Variants in CDH7 observed in about 807,000 individuals in gnomAD.
CDH7 encodes the protein cadherin-7.
CDH7 carries 25 observed loss-of-function variants against 71.8 expected under a neutral mutation model. The observed-to-expected ratio is 0.35, with a 90% confidence interval of 0.25 to 0.49. CDH7 has a LOEUF of 0.49. CDH7 is among the 20% of genes least tolerant of loss of function. CDH7 has a pLI of 0.99. For missense variants in CDH7, 862 were observed against 974.6 expected (o/e 0.88, Z 1.54); for synonymous variants, 381 against 363.8 (o/e 1.05, Z -0.54).
intron 2 of CDH7, among the ~76,000 whole-genome samples, chr18:65,794,791 C>T (rs943546969): frequency 6.6e-6 from 1 of 151,858 alleles, no homozygotes; most frequent in Admixed American, 6.6e-5. Flanking sequence ...GTTGGGGAGA[C>T]CTGCAGTCAA....
chr18:65,854,920 C>CGTATATAT (rs61208244), intron 7 of CDH7, among the ~76,000 whole-genome samples: 5,584 of 145,492 alleles, frequency 0.038, 246 homozygotes, highest in African/African-American at 0.11. Flanking sequence ...TATGTGTACA[C>CGTATATAT]ATATATATAT....
intron 1 of CDH7, among the ~76,000 whole-genome samples, chr18:65,752,190 C>A (rs553017250): frequency 6.6e-6 from 1 of 152,288 alleles, no homozygotes; most frequent in Admixed American, 6.5e-5. Flanking sequence ...GTGTTCAGAT[C>A]ATTTTTCATA....
intron 2 of CDH7, among the ~76,000 whole-genome samples, chr18:65,769,782 A>G (rs770042008): frequency 6.6e-6 from 1 of 152,050 alleles, no homozygotes; most frequent in Non-Finnish European, 1.5e-5. Context: ...TTCTTAATGC[A>G]TATGTTTCAG....
At chr18:65,796,005 A>G (rs1385739059) in intron 2 of CDH7, among the ~76,000 whole-genome samples, 1 of 152,162 alleles carries the variant, frequency 6.6e-6, no homozygotes, top group Non-Finnish European at 1.5e-5. Flanking sequence ...CTACCCAGCC[A>G]TGCAGAACTG....
At chr18:65,809,619 G>T in intron 2 of CDH7, 85 bp from the exon 3 acceptor site, 8 of 1,146,470 alleles carry the variant, frequency 7.0e-6, no homozygotes, top group Non-Finnish European at 1.0e-5. Context: ...ATGTACTCCT[G>T]CCTGACATAA....
At chr18:65,808,540 A>G in intron 2 of CDH7, among the ~76,000 whole-genome samples, 1 of 152,238 alleles carries the variant, frequency 6.6e-6, no homozygotes, top group East Asian at 1.9e-4. Context: ...CAGGTATTCA[A>G]GTACTTGGAA....
At chr18:65,825,526 A>G (rs1372518438) in intron 6 of CDH7, among the ~76,000 whole-genome samples, 1 of 151,880 alleles carries the variant, frequency 6.6e-6, no homozygotes. Context: ...ATATTTAATC[A>G]AAAATAATAA....
intron 11 of CDH7, among the ~76,000 whole-genome samples, chr18:65,878,981 A>G (rs1914145265): frequency 6.6e-6 from 1 of 152,200 alleles, no homozygotes; most frequent in South Asian, 2.1e-4. Context: ...CAGATCACCA[A>G]TACAGTTTTT....
At position 65,871,448 on chromosome 18, in the gene CDH7, C is replaced by T. The variant is rs114112312; in HGVS notation, c.1864+8531C>T. On this transcript the variant is annotated intron_variant, in intron 11 of 11. Transcript: ENST00000397968. Reference sequence around the variant, plus strand: ...AGGAAATGGAATAACAGGTATGCAACGCAGATGAGGTCCTTAAATAGGCAG... The same window carrying T: ...AGGAAATGGAATAACAGGTATGCAATGCAGATGAGGTCCTTAAATAGGCAG... Among the ~76,000 whole-genome samples the T allele has an allele frequency of 2.7e-3, 417 of 152,224 alleles. 3 individuals carry two copies. Among genetic ancestry groups the T allele is most frequent in the African/African-American group, 9.1e-3 (378 of 41,552 alleles).
At position 65,781,771 on chromosome 18, in the gene CDH7, C is replaced by CTTTCTTTCTTTCTTTCTATCTTTCTTTCT. The variant is rs1568181257; in HGVS notation, c.210+18721_210+18722insTCTTTCTTTCTTTCTATCTTTCTTTCTTT. Among the ~76,000 whole-genome samples, 3 of 39,100 alleles carry CTTTCTTTCTTTCTTTCTATCTTTCTTTCT rather than the reference C, an allele frequency of 7.7e-5. 1 individual carries two copies. Among genetic ancestry groups the CTTTCTTTCTTTCTTTCTATCTTTCTTTCT allele is most frequent in the African/African-American group, 1.9e-4 (2 of 10,284 alleles). The allele number at this position is 39,100 out of a possible 152,430, so 25.7% of individuals were successfully genotyped here. A position where few individuals can be genotyped will look rare whatever the true frequency, so the allele number is the denominator to read the frequency against. ...GTTGATTTCTTTCTTTCTTTCTTTC[C>CTTTCTTTCTTTCTTTCTATCTTTCTTTCT]TTCCTTCCTTCCTTCCTTCCTTCCT... On this transcript the variant is annotated intron_variant, in intron 2 of 11. Transcript: ENST00000397968.
intron 4 of CDH7, among the ~76,000 whole-genome samples, chr18:65,820,664 A>C (rs1911890185): frequency 6.6e-6 from 1 of 152,140 alleles, no homozygotes; most frequent in Admixed American, 6.5e-5. Context: ...TTGATTTGCA[A>C]ACTTTGTGAT....
intron 5 of CDH7, among the ~76,000 whole-genome samples, chr18:65,822,961 G>A (rs971208639): frequency 2.0e-5 from 3 of 151,688 alleles, no homozygotes; most frequent in Non-Finnish European, 4.4e-5. Flanking sequence ...TTCCCTAAGT[G>A]TATGTGTTAT....
At position 65,853,377 on chromosome 18, in the gene CDH7, T is replaced by C. The variant is rs1351720274; in HGVS notation, c.1236-4439T>C. Among the ~76,000 whole-genome samples, 4 of 124,548 alleles carry C rather than the reference T, an allele frequency of 3.2e-5. 1 individual carries two copies. The highest frequency in any genetic ancestry group is 1.8e-5 in the Non-Finnish European group (1 of 56,900). The allele number at this position is 124,548 out of a possible 152,430, so 81.7% of individuals were successfully genotyped here. A position where few individuals can be genotyped will look rare whatever the true frequency, so the allele number is the denominator to read the frequency against. On this transcript the variant is annotated intron_variant, in intron 7 of 11. Coordinates refer to ENST00000397968, the MANE Select transcript of CDH7 (RefSeq NM_004361.5). Reference sequence around the variant, plus strand: ...TCCTTTCAGACTTCTTTTAGGGCCTTTCTTCTCTTGGCTCAATCAGCCATC... The same window carrying C: ...TCCTTTCAGACTTCTTTTAGGGCCTCTCTTCTCTTGGCTCAATCAGCCATC...
In CDH7 at chr18:65,862,760, T is replaced by A. The variant is rs200064195; in HGVS notation, c.1707T>A (p.Ser569=). The A allele has an allele frequency of 6.2e-7, 1 of 1,614,108 alleles. No individual in the cohort carries two copies. Among genetic ancestry groups the A allele is most frequent in the Admixed American group, 1.7e-5 (1 of 60,024 alleles). The change falls in exon 11 of 12, where the codon TCT becomes TCA. Residue 569 remains serine (S), a synonymous_variant. Coordinates refer to ENST00000397968, the MANE Select transcript of CDH7 (RefSeq NM_004361.5). ...YLPIFIVDSG[S]PSLSSTNTLT... is the part of the protein sequence containing the mutation. ...CAATTTTCATTGTGGACAGTGGATC[T>A]CCCTCACTTAGCAGCACCAACACCC...
At chr18:65,834,656 C>T (rs1035259535) in intron 6 of CDH7, among the ~76,000 whole-genome samples, 4 of 152,030 alleles carry the variant, frequency 2.6e-5, no homozygotes, top group African/African-American at 7.2e-5. Context: ...ATTGATGGAT[C>T]CTGACATCTA....
chr18:65,782,341 A>G (rs561122504), intron 2 of CDH7, among the ~76,000 whole-genome samples: 50 of 151,536 alleles, frequency 3.3e-4, no homozygotes, highest in African/African-American at 1.1e-3. Flanking sequence ...AAATTTTTGT[A>G]TTTTTAGTAG....
At chr18:65,816,746 T>A (rs1911738174) in intron 4 of CDH7, among the ~76,000 whole-genome samples, 1 of 152,114 alleles carries the variant, frequency 6.6e-6, no homozygotes, top group African/African-American at 2.4e-5. Context: ...TGTGAGTAGT[T>A]GCAAAACCCA....
intron 7 of CDH7, among the ~76,000 whole-genome samples, chr18:65,853,920 T>TATATATATATAC (rs1913241383): frequency 1.4e-5 from 1 of 70,598 alleles, no homozygotes; most frequent in African/African-American, 7.6e-5. Flanking sequence ...TATATATATA[T>TATATATATATAC]ATATATATAT....
rs1599050104 is a variant in CDH7 at position 65,850,399 on chromosome 18, T to A, written c.1235+6334T>A. On this transcript the variant is annotated intron_variant, in intron 7 of 11. Coordinates refer to ENST00000397968, the MANE Select transcript of CDH7 (RefSeq NM_004361.5). ...AAAGAAGTTTATTGAAATAATTGGG[T>A]ATAGCTCAAAGAAAGAAAGGAAAAA... is the stretch of plus-strand genomic sequence containing the variant. Among the ~76,000 whole-genome samples, 4 of 151,538 alleles carry A rather than the reference T, an allele frequency of 2.6e-5. No individual in the cohort carries two copies. In the South Asian group the frequency reaches 8.3e-4, roughly 32 times the overall value.
Sources: allele counts gnomAD v4.1 joint callset (sites outside exome capture counted in the v4.1 genomes callset), GRCh38; gene constraint gnomAD v4.1.1; transcripts MANE v1.5; gene names NCBI Gene and HGNC (gene_info 2026-07-23, HGNC 2026-07-21).